Variants in CCDC15 observed in about 807,000 individuals in gnomAD.
The protein encoded by CCDC15 is coiled-coil domain-containing protein 15.
CCDC15 carries 105 observed loss-of-function variants against 114.5 expected under a neutral mutation model. The ratio of observed to expected loss-of-function variants is 0.92; its 90% CI spans 0.78 to 1.08. The LOEUF (loss-of-function observed/expected upper bound fraction) is 1.08. CCDC15 is among the 50% of genes least tolerant of loss of function. The pLI is 0.00. For synonymous variants in CCDC15, 334 were observed against 377.8 expected (o/e 0.88, Z 1.34); for missense variants, 1,105 against 1,093.6 (o/e 1.01, Z -0.15).
chr11:124,986,695 G>A, intron 6 of CCDC15, 47 bp from the exon 7 acceptor site: 1 of 1,444,234 alleles, frequency 6.9e-7, no homozygotes. Context: ...GTGTGTTTGT[G>A]TGTGTGCGCG....
At chr11:124,996,686 C>CATATACCT (rs1948376953) in intron 11 of CCDC15, among the ~76,000 whole-genome samples, 1 of 152,096 alleles carries the variant, frequency 6.6e-6, no homozygotes, top group African/African-American at 2.4e-5. Flanking sequence ...ACCATATACC[C>CATATACCT]GTTAAACAGT....
At chr11:124,981,639 T>C (rs1287235352) in intron 6 of CCDC15, among the ~76,000 whole-genome samples, 1 of 151,354 alleles carries the variant, frequency 6.6e-6, no homozygotes, top group Non-Finnish European at 1.5e-5. Flanking sequence ...TATCTCAGTC[T>C]TGTGGGGTCT....
intron 13 of CCDC15, among the ~76,000 whole-genome samples, chr11:125,026,605 G>A (rs1043284264): frequency 6.6e-6 from 1 of 152,136 alleles, no homozygotes; most frequent in African/African-American, 2.4e-5. Context: ...GATGATTGGT[G>A]GAGGCTTCTA....
At chr11:125,024,737 G>A (rs1248475261) in intron 13 of CCDC15, among the ~76,000 whole-genome samples, 4 of 151,868 alleles carry the variant, frequency 2.6e-5, no homozygotes, top group African/African-American at 9.7e-5. Flanking sequence ...AAACACAGTT[G>A]TACTTCTTTC....
Position 124,993,221 on chromosome 11 carries a change from GA to G in CCDC15, c.2195del (p.Asn732IlefsTer16). On this transcript the variant is annotated frameshift_variant, in exon 11 of 16. Coordinates refer to ENST00000344762, the MANE Select transcript of CCDC15 (RefSeq NM_025004.3). LOFTEE classifies it high-confidence loss of function. Reference protein sequence around the residue: ...SSFEKWEIARGNTPGVPLAYD... With the variant: ...SSFEKWEIARXNTPGVPLAYD... ...TTTGAGAAATGGGAGATTGCAAGAG[GA>G]AATACTCCTGGAGTGCCCTTGGTAT... The G allele has an allele frequency of 1.2e-6, 2 of 1,605,288 alleles. 1 individual carries two copies.
rs1948540089 is a variant in CCDC15, at chr11:125,005,181, AGG to A, written c.2381_2382del (p.Arg794ThrfsTer9). ...GAGAGAACAAGTTAAAGAACAACAA[AGG>A]CAAAAAGAACAAAAGAAGAAAATTG... ...IEREQVKEQQ[R>X]QKEQKKKIEK... On this transcript the variant is annotated frameshift_variant, in exon 13 of 16. Coordinates refer to ENST00000344762, the MANE Select transcript of CCDC15 (RefSeq NM_025004.3). LOFTEE classifies it high-confidence loss of function. The A allele has an allele frequency of 6.4e-7, 1 of 1,561,020 alleles. No individual in the cohort carries two copies. Among genetic ancestry groups the A allele is most frequent in the Admixed American group, 1.8e-5 (1 of 55,300 alleles).
At chr11:124,995,532 A>T (rs1591598279) in intron 11 of CCDC15, among the ~76,000 whole-genome samples, 2 of 152,126 alleles carry the variant, frequency 1.3e-5, no homozygotes, top group Admixed American at 1.3e-4. Flanking sequence ...GATCAGTCAA[A>T]CATCTATTGA....
intron 13 of CCDC15, among the ~76,000 whole-genome samples, chr11:125,014,761 T>C (rs894274961): frequency 2.6e-5 from 4 of 152,136 alleles, no homozygotes; most frequent in African/African-American, 9.7e-5. Flanking sequence ...ACAACCACTT[T>C]GGAAAACTGT....
intron 13 of CCDC15, among the ~76,000 whole-genome samples, chr11:125,018,184 A>G (rs1226245974): frequency 2.0e-5 from 3 of 152,112 alleles, no homozygotes; most frequent in African/African-American, 7.2e-5. Context: ...ATTCATGGTA[A>G]GTGCCTTATT....
In CCDC15 at chr11:125,040,871, G is replaced by T. The variant is rs1591617978; in HGVS notation, c.*160G>T. ...GTAATCATTGTTTTAATCTCTGTCT[G>T]GGAACCAAGATTGAAAGCTGACTTA... On this transcript the variant is annotated 3_prime_UTR_variant, in exon 16 of 16. Coordinates refer to ENST00000344762, the MANE Select transcript of CCDC15 (RefSeq NM_025004.3). 23 of 687,476 alleles carry T rather than the reference G, an allele frequency of 3.3e-5. No homozygotes were observed. In the East Asian group the frequency reaches 6.1e-4, roughly 18 times the overall value. 42.6% of individuals were successfully genotyped at this position (687,476 alleles called of 1,614,324 possible). A position where few individuals can be genotyped will look rare whatever the true frequency, so the allele number is the denominator to read the frequency against.
chr11:125,019,254 A>G (rs1948647543), intron 13 of CCDC15, among the ~76,000 whole-genome samples: 1 of 152,040 alleles, frequency 6.6e-6, no homozygotes, highest in African/African-American at 2.4e-5. Context: ...AGCACTTCGC[A>G]TAGATTATCT....
chr11:124,999,677 A>G (rs1437936807), intron 11 of CCDC15, among the ~76,000 whole-genome samples: 4 of 151,612 alleles, frequency 2.6e-5, no homozygotes, highest in South Asian at 2.1e-4. Flanking sequence ...ATTCACTTCA[A>G]TTGGGTTTGC....
intron 6 of CCDC15, among the ~76,000 whole-genome samples, chr11:124,978,769 T>C (rs1479906767): frequency 2.0e-5 from 3 of 152,300 alleles, no homozygotes; most frequent in South Asian, 4.1e-4. Flanking sequence ...CTGTTGATGG[T>C]TGCTTTTGCT....
rs184451672 is a variant in CCDC15, at chr11:124,961,737, G to A, written c.516+1734G>A. Among the ~76,000 whole-genome samples, 800 of 152,152 alleles carry A rather than the reference G, an allele frequency of 5.3e-3. 6 individuals carry two copies. Among genetic ancestry groups the A allele is most frequent in the African/African-American group, 0.018 (745 of 41,504 alleles). On this transcript the variant is annotated intron_variant, in intron 4 of 15. Coordinates refer to ENST00000344762, the MANE Select transcript of CCDC15 (RefSeq NM_025004.3). ...GATGGGGTTTCACCATGTTGGCCAG[G>A]CTGGTATCAAATTCCTGAGCTCAAG...
intron 11 of CCDC15, among the ~76,000 whole-genome samples, chr11:125,002,239 A>G (rs1045907398): frequency 6.6e-6 from 1 of 152,060 alleles, no homozygotes; most frequent in African/African-American, 2.4e-5. Flanking sequence ...CCATTTTGTA[A>G]TTGGGTTATT....
rs958402904 is a variant in CCDC15, at chr11:124,987,452, C to T, written c.1226C>T (p.Thr409Ile). 5.6e-6 allele frequency: 9 copies of T among 1,613,832 alleles called. No individual in the cohort carries two copies. The African/African-American group carries it at 1.2e-4, about 22-fold the overall frequency. Residue 409 changes from threonine to isoleucine, a missense_variant, in exon 8 of 16, where the codon ACC (threonine) becomes ATC (isoleucine). By Grantham distance (89) the Thr-to-Ile change is moderately conservative (BLOSUM62 -1). Coordinates refer to ENST00000344762, the MANE Select transcript of CCDC15 (RefSeq NM_025004.3). ...ELEEGSIVLK[T>I]QDFLPTNQAL... ...GAAGAAGGGAGTATTGTGTTGAAAA[C>T]CCAGGATTTTCTACCCACAAATCAG...
intron 13 of CCDC15, among the ~76,000 whole-genome samples, chr11:125,019,265 C>T (rs907622173): frequency 5.3e-5 from 8 of 151,966 alleles, no homozygotes; most frequent in African/African-American, 1.9e-4. Context: ...TAGATTATCT[C>T]CTCTTAATGG....
At chr11:124,971,706 T>C (rs907729868) in intron 4 of CCDC15, among the ~76,000 whole-genome samples, 3 of 152,170 alleles carry the variant, frequency 2.0e-5, no homozygotes, top group African/African-American at 7.2e-5. Context: ...GTAAAGTAAA[T>C]AGTTGCATGC....
At chr11:125,038,363 G>A (rs779789769) in intron 13 of CCDC15, 68 bp from the exon 14 acceptor site, 69 of 1,042,040 alleles carry the variant, frequency 6.6e-5, no homozygotes, top group Non-Finnish European at 5.7e-5. Flanking sequence ...GGAGTTATTT[G>A]GATAAAGAAG....
Sources: gnomAD v4.1 joint callset for allele counts (sites outside exome capture counted in the v4.1 genomes callset) on GRCh38, gnomAD v4.1.1 for gene constraint, MANE v1.5 for transcripts, NCBI Gene and HGNC (gene_info 2026-07-23, HGNC 2026-07-21) for gene names.